Variants in ELMO1 observed in about 807,000 individuals in gnomAD.
The protein encoded by ELMO1 is engulfment and cell motility 1, also known as engulfment and cell motility protein 1.
A neutral mutation model predicts 98.9 loss-of-function variants in ELMO1; 26 were observed. The ratio of observed to expected loss-of-function variants is 0.26; its 90% CI spans 0.19 to 0.36. ELMO1 has a LOEUF of 0.36. Among genes scored for constraint, ELMO1 ranks in the 10% least tolerant of loss-of-function variants. ELMO1 has a pLI of 1.00. For synonymous variants in ELMO1, 346 were observed against 346.0 expected, an observed-to-expected ratio of 1.00 and a Z score of 0.00; for missense variants, 627 against 935.2, an observed-to-expected ratio of 0.67 and a Z score of 4.30.
intron 15 of ELMO1, 43 bp from the exon 16 acceptor site, chr7:37,013,478 A>G: frequency 6.2e-7 from 1 of 1,606,924 alleles, no homozygotes; most frequent in East Asian, 2.3e-5. Flanking sequence ...GTTTTAAAAC[A>G]GTGAAACACG....
intron 1 of ELMO1, among the ~76,000 whole-genome samples, chr7:37,346,573 T>C (rs557468980): frequency 6.6e-6 from 1 of 152,290 alleles, no homozygotes; most frequent in South Asian, 2.1e-4. Flanking sequence ...CTAAGAACAA[T>C]GCGTTTTATC....
At chr7:37,201,623 C>T (rs1332618981) in intron 13 of ELMO1, among the ~76,000 whole-genome samples, 1 of 152,224 alleles carries the variant, frequency 6.6e-6, no homozygotes, top group Non-Finnish European at 1.5e-5. Context: ...ACCCCAAGAA[C>T]CCCTGTCTTG....
chr7:37,022,908 TA>T (rs1794355084), intron 15 of ELMO1, among the ~76,000 whole-genome samples: 2 of 152,196 alleles, frequency 1.3e-5, no homozygotes, highest in African/African-American at 4.8e-5. Context: ...AAATTATTTT[TA>T]AAAATGCTAC....
At chr7:37,157,408 T>G (rs1166745932) in intron 13 of ELMO1, among the ~76,000 whole-genome samples, 1 of 152,200 alleles carries the variant, frequency 6.6e-6, no homozygotes, top group Non-Finnish European at 1.5e-5. Flanking sequence ...ATTGTATATC[T>G]AGAAAACCCC....
intron 7 of ELMO1, among the ~76,000 whole-genome samples, chr7:37,234,083 T>C (rs1794327009): frequency 6.6e-6 from 1 of 152,228 alleles, no homozygotes; most frequent in African/African-American, 2.4e-5. Flanking sequence ...TTCACCTTTA[T>C]TGTAAATTAT....
At chr7:36,996,701 A>T (rs1270471712) in intron 16 of ELMO1, among the ~76,000 whole-genome samples, 1 of 152,188 alleles carries the variant, frequency 6.6e-6, no homozygotes, top group Non-Finnish European at 1.5e-5. Context: ...AAGAGGGAAA[A>T]TTCCTCCTGT....
At chr7:37,081,790 T>C (rs1797879395) in intron 15 of ELMO1, among the ~76,000 whole-genome samples, 2 of 152,098 alleles carry the variant, frequency 1.3e-5, no homozygotes, top group South Asian at 2.1e-4. Flanking sequence ...ACTAATACGA[T>C]GTGCATTAAG....
chr7:37,330,806 G>A (rs749301219), intron 2 of ELMO1, among the ~76,000 whole-genome samples: 41 of 152,120 alleles, frequency 2.7e-4, no homozygotes, highest in Non-Finnish European at 4.3e-4. Context: ...TCACTTAAAG[G>A]AAGCTTCTCT....
At chr7:37,323,220 C>T (rs747123639) in intron 2 of ELMO1, among the ~76,000 whole-genome samples, 22 of 152,182 alleles carry the variant, frequency 1.4e-4, no homozygotes, top group Non-Finnish European at 3.1e-4. Context: ...ATCTGACTGG[C>T]AAAGTACCAG....
chr7:37,228,096 CTTTTG>C (rs895681402), intron 8 of ELMO1, among the ~76,000 whole-genome samples: 20 of 152,160 alleles, frequency 1.3e-4, no homozygotes, highest in Admixed American at 2.0e-4. Context: ...TAACTTCTTT[CTTTTG>C]TTTTATTTGT....
intron 10 of ELMO1, chr7:37,217,616 A>T: frequency 2.3e-6 from 1 of 436,406 alleles, no homozygotes; most frequent in Non-Finnish European, 4.7e-6. Flanking sequence ...GGGGTGGGGG[A>T]GATTTCTGAG....
At chr7:36,964,769 G>A (rs367782830) in intron 16 of ELMO1, among the ~76,000 whole-genome samples, 3 of 152,000 alleles carry the variant, frequency 2.0e-5, no homozygotes, top group African/African-American at 7.3e-5. Context: ...ATGAACCTGC[G>A]CATACACAAC....
At chr7:37,393,694 C>T (rs1474445700) in intron 1 of ELMO1, 1 of 152,158 alleles carries the variant, frequency 6.6e-6, no homozygotes. Context: ...GAAGCTGCAG[C>T]CTTTCCCTTG....
At chr7:37,123,423 A>T (rs1171157648) in intron 14 of ELMO1, among the ~76,000 whole-genome samples, 2 of 152,228 alleles carry the variant, frequency 1.3e-5, no homozygotes, top group African/African-American at 4.8e-5. Context: ...GAGAAGAATC[A>T]AATAGACGCA....
At chr7:37,063,875 C>T (rs1054444096) in intron 15 of ELMO1, among the ~76,000 whole-genome samples, 4 of 152,146 alleles carry the variant, frequency 2.6e-5, no homozygotes, top group Non-Finnish European at 5.9e-5. Flanking sequence ...GGGGCAAAAC[C>T]GCAAGTTCAA....
At chr7:37,382,801 G>A (rs1802633693) in intron 1 of ELMO1, among the ~76,000 whole-genome samples, 1 of 151,410 alleles carries the variant, frequency 6.6e-6, no homozygotes, top group Non-Finnish European at 1.5e-5. Flanking sequence ...CCACTCCACA[G>A]AGATACTCAT....
chr7:37,143,046 T>C (rs1787742265), intron 13 of ELMO1, among the ~76,000 whole-genome samples: 1 of 152,226 alleles, frequency 6.6e-6, no homozygotes, highest in African/African-American at 2.4e-5. Context: ...AATTGAGTTT[T>C]AGGGTTCCTT....
intron 14 of ELMO1, among the ~76,000 whole-genome samples, chr7:37,113,739 C>T (rs1474629556): frequency 6.6e-6 from 1 of 152,122 alleles, no homozygotes; most frequent in African/African-American, 2.4e-5. Flanking sequence ...TAATTAAAAT[C>T]AAATGAGGCC....
At chr7:37,013,470 T>G (rs568802085) in intron 15 of ELMO1, 35 bp from the exon 16 acceptor site, 7 of 1,610,036 alleles carry the variant, frequency 4.3e-6, no homozygotes, top group Non-Finnish European at 5.9e-6. Flanking sequence ...GAGAAAAAGT[T>G]TTAAAACAGT....
Sources: gnomAD v4.1 joint callset for allele counts (sites outside exome capture counted in the v4.1 genomes callset) on GRCh38, gnomAD v4.1.1 for gene constraint, MANE v1.5 for transcripts, NCBI Gene and HGNC (gene_info 2026-07-23, HGNC 2026-07-21) for gene names.